The following CCDC91 variants were observed in gnomAD, a reference collection of about 807,000 sequenced individuals.
CCDC91 encodes coiled-coil domain containing 91.
Under a neutral mutation model 63.2 loss-of-function variants are expected in CCDC91, and 48 were observed. That is an observed-to-expected ratio of 0.76 (90% CI 0.60 to 0.97). The LOEUF (loss-of-function observed/expected upper bound fraction) is 0.97, where lower values mean the gene tolerates loss of function less well. Among genes scored for constraint, CCDC91 ranks in the 50% least tolerant of loss-of-function variants. CCDC91 has a pLI of 0.00. For missense variants in CCDC91, 500 were observed against 494.6 expected (o/e 1.01, Z -0.10); for synonymous variants, 167 against 165.8 (o/e 1.01, Z -0.06).
At chr12:28,397,726 A>G (rs1054166437) in intron 8 of CCDC91, among the ~76,000 whole-genome samples, 4 of 152,174 alleles carry the variant, frequency 2.6e-5, no homozygotes, top group African/African-American at 9.7e-5. Context: ...AAATTCCTAT[A>G]AAGGATAAGT....
intron 8 of CCDC91, among the ~76,000 whole-genome samples, chr12:28,395,150 A>G (rs1231995849): frequency 6.6e-6 from 1 of 152,114 alleles, no homozygotes; most frequent in African/African-American, 2.4e-5. Context: ...TTTTTACAAA[A>G]TTTACTTTGG....
intron 1 of CCDC91, among the ~76,000 whole-genome samples, chr12:28,191,655 G>C (rs971106689): frequency 1.3e-5 from 2 of 152,156 alleles, no homozygotes; most frequent in African/African-American, 4.8e-5. Context: ...ATTTAGTTGG[G>C]TGGGGTGACA....
At chr12:28,379,030 G>A (rs1391349396) in intron 7 of CCDC91, among the ~76,000 whole-genome samples, 1 of 151,964 alleles carries the variant, frequency 6.6e-6, no homozygotes, top group Non-Finnish European at 1.5e-5. Context: ...TAGATTTAAA[G>A]CTTGCCTTTA....
intron 8 of CCDC91, among the ~76,000 whole-genome samples, chr12:28,394,710 T>C (rs1476371868): frequency 2.0e-5 from 2 of 99,778 alleles, no homozygotes; most frequent in Non-Finnish European, 2.7e-5. Flanking sequence ...TTCTGTTTCT[T>C]GCTCTCTCTC....
intron 12 of CCDC91, among the ~76,000 whole-genome samples, chr12:28,531,706 T>C (rs1361648221): frequency 1.3e-5 from 2 of 152,202 alleles, no homozygotes; most frequent in Non-Finnish European, 2.9e-5. Context: ...TAAAATAAAG[T>C]AAGTAATTGT....
intron 8 of CCDC91, among the ~76,000 whole-genome samples, chr12:28,398,166 T>C (rs1478378129): frequency 1.3e-5 from 2 of 152,182 alleles, no homozygotes; most frequent in African/African-American, 4.8e-5. Flanking sequence ...AGTTCTCTTA[T>C]CCTTTATAAT....
chr12:28,518,919 C>G (rs1266998685), intron 12 of CCDC91, among the ~76,000 whole-genome samples: 3 of 151,964 alleles, frequency 2.0e-5, no homozygotes, highest in African/African-American at 7.2e-5. Context: ...CGTCTTTTCC[C>G]CACTTCATAT....
At chr12:28,260,148 G>A (rs1487096165) in intron 3 of CCDC91, among the ~76,000 whole-genome samples, 1 of 151,968 alleles carries the variant, frequency 6.6e-6, no homozygotes, top group Non-Finnish European at 1.5e-5. Flanking sequence ...TACTTCAAGG[G>A]TAGATAAGGT....
intron 12 of CCDC91, among the ~76,000 whole-genome samples, chr12:28,524,581 C>T (rs1391409280): frequency 1.3e-5 from 2 of 151,944 alleles, no homozygotes; most frequent in African/African-American, 4.8e-5. Flanking sequence ...TGTATCCTTT[C>T]CTGATTTAGA....
chr12:28,400,620 A>G (rs1592557985), intron 8 of CCDC91, among the ~76,000 whole-genome samples: 1 of 152,184 alleles, frequency 6.6e-6, no homozygotes, highest in African/African-American at 2.4e-5. Context: ...TTTAAACATA[A>G]GTTTCAATTC....
chr12:28,328,372 TA>T (rs748992705), intron 6 of CCDC91, among the ~76,000 whole-genome samples: 183 of 152,094 alleles, frequency 1.2e-3, no homozygotes, highest in Middle Eastern at 3.4e-3. Context: ...AACTATAAAT[TA>T]AAAAAAATCA....
intron 1 of CCDC91, among the ~76,000 whole-genome samples, chr12:28,243,650 G>T (rs1011547496): frequency 3.9e-5 from 6 of 152,046 alleles, no homozygotes; most frequent in Admixed American, 6.5e-5. Flanking sequence ...ATGAAAAAGA[G>T]ATATATAACA....
intron 6 of CCDC91, among the ~76,000 whole-genome samples, chr12:28,320,151 AC>A (rs1940335125): frequency 6.6e-6 from 1 of 151,968 alleles, no homozygotes; most frequent in Non-Finnish European, 1.5e-5. Flanking sequence ...AAATTTAAGA[AC>A]CCTTTAACAT....
intron 8 of CCDC91, among the ~76,000 whole-genome samples, chr12:28,410,798 A>G (rs763038539): frequency 1.4e-4 from 22 of 152,194 alleles, no homozygotes; most frequent in Admixed American, 2.6e-4. Flanking sequence ...CTGGGATTAC[A>G]GGCATGAGCC....
chr12:28,447,542 C>G (rs989866590), intron 8 of CCDC91, among the ~76,000 whole-genome samples: 1 of 150,732 alleles, frequency 6.6e-6, no homozygotes, highest in Non-Finnish European at 1.5e-5. Flanking sequence ...TACAAATTAT[C>G]TATGTTTAAT....
At chr12:28,534,377 C>T (rs764145714) in intron 12 of CCDC91, among the ~76,000 whole-genome samples, 2 of 152,136 alleles carry the variant, frequency 1.3e-5, no homozygotes, top group Non-Finnish European at 2.9e-5. Flanking sequence ...ATGGCCATGA[C>T]AGGTCATTGG....
At chr12:28,454,083 A>G (rs7299039) in intron 11 of CCDC91, among the ~76,000 whole-genome samples, 61,280 of 151,990 alleles carry the variant, frequency 0.4, 12,614 homozygotes, top group Middle Eastern at 0.48. Flanking sequence ...TCTTGAATAA[A>G]TTATATTAAT....
intron 1 of CCDC91, among the ~76,000 whole-genome samples, chr12:28,212,583 C>T (rs145912297): frequency 6.6e-6 from 1 of 152,264 alleles, no homozygotes; most frequent in East Asian, 1.9e-4. Flanking sequence ...TCCACAAGGA[C>T]TCAGATATAG....
chr12:28,229,538 G>A (rs1944465648), intron 1 of CCDC91, among the ~76,000 whole-genome samples: 1 of 152,166 alleles, frequency 6.6e-6, no homozygotes, highest in Admixed American at 6.6e-5. Flanking sequence ...AACATCAGGA[G>A]GAAGAGCATT....
Sources: gnomAD v4.1 joint callset for allele counts (sites outside exome capture counted in the v4.1 genomes callset) on GRCh38, gnomAD v4.1.1 for gene constraint, MANE v1.5 for transcripts, NCBI Gene and HGNC (gene_info 2026-07-23, HGNC 2026-07-21) for gene names.